Variants in UBE3B observed in about 807,000 individuals in gnomAD.
The protein encoded by UBE3B is ubiquitin-protein ligase E3B.
Under a neutral mutation model 132.3 loss-of-function variants are expected in UBE3B, and 80 were observed. The observed-to-expected ratio is 0.60, with a 90% CI of 0.50 to 0.73. UBE3B has a LOEUF of 0.73. Ranked by LOEUF, UBE3B falls within the 30% of genes least tolerant of loss-of-function variation. The probability of loss-of-function intolerance (pLI) is 0.00; values close to 1 mark genes in which losing one functional copy is unlikely to be tolerated. For synonymous variants in UBE3B, 487 were observed against 520.4 expected (o/e 0.94, Z 0.87); for missense variants, 1,196 against 1,362.5 (o/e 0.88, Z 1.92).
intron 13 of UBE3B, 128 bp downstream of exon 13, chr12:109,501,662 T>G: frequency 8.5e-7 from 1 of 1,180,570 alleles, no homozygotes; most frequent in Non-Finnish European, 1.2e-6. Flanking sequence ...TTATCGTTCT[T>G]GTTGTTAGAG....
chr12:109,501,368 T>C lies in UBE3B; in HGVS notation c.1119-3T>C, dbSNP rs201644978. 15 of 1,614,076 alleles carry C rather than the reference T, an allele frequency of 9.3e-6. No homozygotes were observed. In the East Asian group the frequency reaches 2.9e-4, roughly 31 times the overall value. On this transcript the variant is annotated splice_region_variant and splice_polypyrimidine_tract_variant and intron_variant, in intron 12 of 27. Coordinates refer to ENST00000342494, the MANE Select transcript of UBE3B (RefSeq NM_130466.4). ...AGACCAGGTCTCCTCTGCTCTCTCC[T>C]AGCCTTAACGAGTCAATGCACTTGA...
chr12:109,501,527 A>G lies in UBE3B; in HGVS notation c.1275A>G (p.Pro425=). The change falls in exon 13 of 28, where the codon CCA becomes CCG. Residue 425 remains proline, a synonymous_variant. Coordinates refer to ENST00000342494, the MANE Select transcript of UBE3B (RefSeq NM_130466.4). ...AQPASPQNVL[P]VKSLLKRAFQ... is the part of the protein sequence containing the mutation. ...CAGCATCCCCTCAGAATGTGCTCCC[A>G]GTGAAGAGTGAGTGACGGGAGCAGG... 7 of 1,613,470 alleles carry G rather than the reference A, an allele frequency of 4.3e-6. No individual in the cohort carries two copies. The highest frequency in any genetic ancestry group is 1.1e-5 in the South Asian group (1 of 90,970).
chr12:109,517,482 C>A (rs920923255), intron 19 of UBE3B, among the ~76,000 whole-genome samples: 1 of 152,162 alleles, frequency 6.6e-6, no homozygotes, highest in African/African-American at 2.4e-5. Flanking sequence ...AGAAAATTGT[C>A]ACAATACATT....
At chr12:109,520,519 C>G (rs906550812) in intron 19 of UBE3B, 3 of 152,814 alleles carry the variant, frequency 2.0e-5, no homozygotes, top group Admixed American at 6.5e-5. Flanking sequence ...GGTCTCTGCT[C>G]CCTGCGTTGA....
rs746369635 is a variant in UBE3B, at chr12:109,485,637, C to T, written c.283-375C>T. 2.5e-4 allele frequency among the ~76,000 whole-genome samples: 38 copies of T among 152,174 alleles called. 1 individual carries two copies. The highest frequency in any genetic ancestry group is 7.9e-4 in the Admixed American group (12 of 15,282). On this transcript the variant is annotated intron_variant, in intron 4 of 27. Coordinates refer to ENST00000342494, the MANE Select transcript of UBE3B (RefSeq NM_130466.4). ...CTGGCTGTGAGGCAAAAGTCAGTAT[C>T]CATGGTGCTTAAGAAAAGGTAAACT... is the stretch of plus-strand genomic sequence containing the variant.
chr12:109,537,404 G>C (rs1282502219), downstream of UBE3B, among the ~76,000 whole-genome samples: 1 of 152,176 alleles, frequency 6.6e-6, no homozygotes, highest in Non-Finnish European at 1.5e-5. Context: ...CGGCAGCTCT[G>C]AAGTCCCAGT....
chr12:109,516,698 CA>C, intron 18 of UBE3B, 66 bp from the exon 19 acceptor site: 1 of 1,579,828 alleles, frequency 6.3e-7, no homozygotes, highest in Non-Finnish European at 8.6e-7. Flanking sequence ...GTCATTTTTG[CA>C]GAGTGTTTTT....
At chr12:109,505,963 GAC>G (rs1325443239) in intron 14 of UBE3B, among the ~76,000 whole-genome samples, 2 of 152,232 alleles carry the variant, frequency 1.3e-5, no homozygotes, top group African/African-American at 4.8e-5. Flanking sequence ...TATATTCAGT[GAC>G]ACATGGCATT....
chr12:109,506,400 G>T (rs187921191), intron 14 of UBE3B, among the ~76,000 whole-genome samples: 2 of 152,242 alleles, frequency 1.3e-5, no homozygotes, highest in Non-Finnish European at 2.9e-5. Context: ...CCAGGCTAGA[G>T]TGCAGTGGTG....
Position 109,530,070 on chromosome 12 carries a change from AAAGT to A in UBE3B, c.2810+2_2810+5del, listed in dbSNP as rs1276189552. On this transcript the variant is annotated splice_donor_variant and coding_sequence_variant, in exon 25 of 28. Coordinates refer to ENST00000342494, the MANE Select transcript of UBE3B (RefSeq NM_130466.4). LOFTEE classifies it high-confidence loss of function. ...ATGCTGAGATTGATCTGGAAGATTT[AAAGT>A]AAGAGGCGGGTGGGGGGAAGGGTGA... 1.2e-5 allele frequency: 20 copies of A among 1,613,650 alleles called. No homozygotes were observed. Among genetic ancestry groups the A allele is most frequent in the Non-Finnish European group, 1.6e-5 (19 of 1,179,716 alleles).
chr12:109,492,002 T>G (rs1013519695), intron 9 of UBE3B: 1 of 152,180 alleles, frequency 6.6e-6, no homozygotes, highest in South Asian at 2.1e-4. Flanking sequence ...GGCTAGAGCA[T>G]GGGTTGGCCA....
chr12:109,510,491 A>G (rs762293216), intron 17 of UBE3B, 33 bp downstream of exon 17: 2 of 1,562,090 alleles, frequency 1.3e-6, no homozygotes, highest in Non-Finnish European at 8.7e-7. Flanking sequence ...GCTCCATGGA[A>G]GCCAGCCTGC....
At position 109,491,225 on chromosome 12, in the gene UBE3B, C is replaced by G. The variant is rs1257543754; in HGVS notation, c.713+98C>G. ...GTTACTGGTATTAGGTATAGACTTGCCCATTTTGTCAGAATTTATGGGAAG... is the reference window on the plus strand; with the variant it reads ...GTTACTGGTATTAGGTATAGACTTGGCCATTTTGTCAGAATTTATGGGAAG... On this transcript the variant is annotated intron_variant, in intron 9 of 27. Transcript: ENST00000342494. The G allele has an allele frequency of 2.7e-6, 3 of 1,119,766 alleles. No individual in the cohort carries two copies. The East Asian group carries it at 7.6e-5, about 28-fold the overall frequency. 69.4% of individuals were successfully genotyped at this position (1,119,766 alleles called of 1,614,324 possible).
At chr12:109,530,172 T>A in intron 25 of UBE3B, 100 bp downstream of exon 25, 1 of 1,341,964 alleles carries the variant, frequency 7.5e-7, no homozygotes, top group Non-Finnish European at 1.0e-6. Flanking sequence ...TAGGAGCCTG[T>A]CTCCAGATCT....
chr12:109,478,664 C>T (rs1439795426), intron 1 of UBE3B, among the ~76,000 whole-genome samples: 1 of 152,082 alleles, frequency 6.6e-6, no homozygotes, highest in Non-Finnish European at 1.5e-5. Context: ...GCCTTTAATC[C>T]CAGCGACTTG....
In UBE3B at chr12:109,510,345, G is replaced by A. The variant is rs905507212; in HGVS notation, c.1743G>A (p.Glu581=). ...VFKMIWDGIV[E]NAKGETLELF... ...CTTTCCTGTTTGTTTGTCCCACAGA[G>A]AACGCCAAGGGTGAGACCTTGGAGC... The change falls in exon 17 of 28, where the codon GAG becomes GAA. Residue 581 remains glutamate (E), a splice_region_variant and synonymous_variant. Coordinates refer to ENST00000342494, the MANE Select transcript of UBE3B (RefSeq NM_130466.4). The A allele has an allele frequency of 5.6e-6, 9 of 1,601,530 alleles. No homozygotes were observed. Among genetic ancestry groups the A allele is most frequent in the Non-Finnish European group, 6.8e-6 (8 of 1,173,708 alleles).
Position 109,481,649 on chromosome 12 carries a change from G to T in UBE3B, c.-115G>T, listed in dbSNP as rs1425562194. ...CTGCTTCTGCCAGAAAAAATAACAA[G>T]CTTTTCTGAAGTGAGAAGCTGTTCT... On this transcript the variant is annotated 5_prime_UTR_variant, in exon 2 of 28. Coordinates refer to ENST00000342494, the MANE Select transcript of UBE3B (RefSeq NM_130466.4). The T allele has an allele frequency of 6.6e-6, 1 of 152,100 alleles. No individual in the cohort carries two copies. Among genetic ancestry groups the T allele is most frequent in the Non-Finnish European group, 1.5e-5 (1 of 68,010 alleles). 9.4% of individuals were successfully genotyped at this position (152,100 alleles called of 1,614,324 possible). A position where few individuals can be genotyped will look rare whatever the true frequency, so the allele number is the denominator to read the frequency against.
chr12:109,515,331 A>G (rs1437645965), intron 18 of UBE3B, among the ~76,000 whole-genome samples: 2 of 149,858 alleles, frequency 1.3e-5, no homozygotes, highest in Non-Finnish European at 3.0e-5. Context: ...GGTATATAGT[A>G]TTTCCTGTTG....
intron 22 of UBE3B, 138 bp downstream of exon 22, chr12:109,524,253 C>A: frequency 7.3e-7 from 1 of 1,378,106 alleles, no homozygotes. Flanking sequence ...CCCCTGTGGG[C>A]AGTCCCACTT....
Sources: allele counts gnomAD v4.1 joint callset (sites outside exome capture counted in the v4.1 genomes callset), GRCh38; gene constraint gnomAD v4.1.1; transcripts MANE v1.5; gene names NCBI Gene and HGNC (gene_info 2026-07-23, HGNC 2026-07-21).